The following DSCAML1 variants were observed in gnomAD, a reference collection of about 807,000 sequenced individuals.
DSCAML1 encodes DS cell adhesion molecule like 1, also known as cell adhesion molecule DSCAML1.
DSCAML1 carries 38 observed loss-of-function variants against 200.5 expected under a neutral mutation model. The observed-to-expected ratio is 0.19, with a 90% CI of 0.15 to 0.25. The LOEUF (loss-of-function observed/expected upper bound fraction) is 0.25. Among genes scored for constraint, DSCAML1 ranks in the 10% least tolerant of loss-of-function variants. The pLI, the probability that DSCAML1 is intolerant of heterozygous loss-of-function variation, is 1.00. For missense variants in DSCAML1, 2,223 were observed against 2,858.8 expected, an observed-to-expected ratio of 0.78 and a Z score of 5.07; for synonymous variants, 1,215 against 1,165.0, an observed-to-expected ratio of 1.04 and a Z score of -0.87.
At chr11:117,630,087 C>T (rs992731797) in intron 3 of DSCAML1, among the ~76,000 whole-genome samples, 4 of 152,204 alleles carry the variant, frequency 2.6e-5, no homozygotes, top group African/African-American at 9.6e-5. Flanking sequence ...GAGCAGCAGA[C>T]TGCAGACAGA....
At chr11:117,608,767 C>A (rs2051625450) in intron 3 of DSCAML1, among the ~76,000 whole-genome samples, 1 of 152,218 alleles carries the variant, frequency 6.6e-6, no homozygotes. Context: ...AAATAATATT[C>A]TTCAGGCTCT....
At chr11:117,540,348 T>G (rs1055704848) in intron 3 of DSCAML1, among the ~76,000 whole-genome samples, 8 of 152,120 alleles carry the variant, frequency 5.3e-5, no homozygotes, top group African/African-American at 1.9e-4. Context: ...ACGCTCCTTA[T>G]GAGAATCTAA....
rs543897498 is a variant in DSCAML1, at chr11:117,442,198, CAT to C, written c.3862+1686_3862+1687del. Among the ~76,000 whole-genome samples the C allele has an allele frequency of 8.6e-3, 1,278 of 148,792 alleles. 42 individuals are homozygous for C. In the East Asian group the frequency reaches 0.12, roughly 13 times the overall value. On this transcript the variant is annotated intron_variant, in intron 21 of 32. Transcript: ENST00000651296. Reference sequence around the variant, plus strand: ...AGTGTGTATAGTGTGTATGTGTGTGCATGTGTGCATGTATTAGTGTGTCTAGT... The same window carrying C: ...AGTGTGTATAGTGTGTATGTGTGTGCGTGTGCATGTATTAGTGTGTCTAGT...
chr11:117,690,206 A>G (rs907619373), intron 3 of DSCAML1, among the ~76,000 whole-genome samples: 4 of 152,262 alleles, frequency 2.6e-5, no homozygotes, highest in African/African-American at 9.6e-5. Context: ...TGTTCAACAG[A>G]TTCTACTGAG....
At chr11:117,652,156 T>C (rs2052646116) in intron 3 of DSCAML1, among the ~76,000 whole-genome samples, 1 of 152,246 alleles carries the variant, frequency 6.6e-6, no homozygotes, top group South Asian at 2.1e-4. Flanking sequence ...TGCCTTCTAG[T>C]AGGGGAAGCC....
At chr11:117,500,964 G>A (rs1429395617) in intron 11 of DSCAML1, among the ~76,000 whole-genome samples, 1 of 152,166 alleles carries the variant, frequency 6.6e-6, no homozygotes, top group Non-Finnish European at 1.5e-5. Context: ...GGGCATTGAG[G>A]CAAACCTTGA....
At chr11:117,540,900 TG>T (rs34011277) in intron 3 of DSCAML1, among the ~76,000 whole-genome samples, 11,954 of 152,174 alleles carry the variant, frequency 0.079, 600 homozygotes, top group East Asian at 0.11. Flanking sequence ...CTCCTGTCAC[TG>T]GGGGGTATTT....
In DSCAML1 at chr11:117,736,612, T is replaced by C. The variant is rs114586467; in HGVS notation, c.511+40179A>G. Among the ~76,000 whole-genome samples the C allele has an allele frequency of 6.9e-3, 1,053 of 152,248 alleles. 12 individuals are homozygous for C. Among genetic ancestry groups the C allele is most frequent in the African/African-American group, 0.024 (991 of 41,536 alleles). ...GGAAAATTCTTCTCTGTGTTTGGCA[T>C]CCTTGGTCTTGCCCTCTGAATGCCA... On this transcript the variant is annotated intron_variant, in intron 3 of 32. Coordinates refer to ENST00000651296, the MANE Select transcript of DSCAML1 (RefSeq NM_020693.4).
intron 3 of DSCAML1, among the ~76,000 whole-genome samples, chr11:117,560,333 G>C (rs1333255106): frequency 6.6e-6 from 1 of 152,158 alleles, no homozygotes; most frequent in Non-Finnish European, 1.5e-5. Context: ...GGGATGAGTT[G>C]ATGTCTCAAG....
Position 117,518,164 on chromosome 11 carries a change from G to A in DSCAML1, c.1510+302C>T, listed in dbSNP as rs934257752. On this transcript the variant is annotated intron_variant, in intron 7 of 32. Coordinates refer to ENST00000651296, the MANE Select transcript of DSCAML1 (RefSeq NM_020693.4). The surrounding 1 kb of genome is among the most constrained non-coding windows in gnomAD (Gnocchi z 6.3). ...CTTGGGCCCCAGAGAGATTTGATGG[G>A]GAGGAATGGGCTAGAGGGTAAGAGA... Among the ~76,000 whole-genome samples, 2 of 152,126 alleles carry A rather than the reference G, an allele frequency of 1.3e-5. No individual in the cohort carries two copies. The highest frequency in any genetic ancestry group is 4.8e-5 in the African/African-American group (2 of 41,434).
chr11:117,513,217 CTGATT>C (rs1038200007), intron 8 of DSCAML1, among the ~76,000 whole-genome samples: 3 of 152,132 alleles, frequency 2.0e-5, no homozygotes, highest in Non-Finnish European at 2.9e-5. Context: ...AGCCACCAAG[CTGATT>C]TGTCCCAGAT....
intron 3 of DSCAML1, among the ~76,000 whole-genome samples, chr11:117,664,501 T>C (rs757298332): frequency 1.3e-5 from 2 of 152,098 alleles, no homozygotes; most frequent in African/African-American, 2.4e-5. Flanking sequence ...TCTGCAAAAA[T>C]AGGGATGACA....
intron 4 of DSCAML1, 41 bp downstream of exon 4, chr11:117,532,335 C>G: frequency 6.3e-7 from 1 of 1,592,612 alleles, no homozygotes; most frequent in Non-Finnish European, 8.6e-7. Context: ...GGTGTCCTCC[C>G]TTCCCAGCCT....
At chr11:117,612,794 A>T (rs1448696429) in intron 3 of DSCAML1, among the ~76,000 whole-genome samples, 1 of 152,150 alleles carries the variant, frequency 6.6e-6, no homozygotes, top group East Asian at 1.9e-4. Flanking sequence ...CCTGCTCTGG[A>T]TCCTGTGGCT....
At chr11:117,531,669 AG>A (rs1216377149) in intron 4 of DSCAML1, among the ~76,000 whole-genome samples, 1 of 152,012 alleles carries the variant, frequency 6.6e-6, no homozygotes, top group African/African-American at 2.4e-5. Context: ...AGCTCACCTG[AG>A]GTCAGGAGTT....
intron 3 of DSCAML1, among the ~76,000 whole-genome samples, chr11:117,577,462 C>G (rs1296618905): frequency 2.6e-4 from 8 of 30,858 alleles, no homozygotes; most frequent in Non-Finnish European, 3.6e-4. Context: ...CCTTCCTTTC[C>G]TTCCTTCCTT....
chr11:117,739,929 A>G (rs1840255707), intron 3 of DSCAML1, among the ~76,000 whole-genome samples: 1 of 152,054 alleles, frequency 6.6e-6, no homozygotes, highest in African/African-American at 2.4e-5. Context: ...AAATATCTCC[A>G]CCTCTGCTCA....
intron 3 of DSCAML1, among the ~76,000 whole-genome samples, chr11:117,745,952 C>T (rs1249254369): frequency 2.0e-5 from 3 of 152,008 alleles, no homozygotes; most frequent in Admixed American, 6.6e-5. Flanking sequence ...CGGTGGCTCA[C>T]GCCTGTAATC....
At chr11:117,587,814 C>T (rs929173189) in intron 3 of DSCAML1, among the ~76,000 whole-genome samples, 7 of 152,180 alleles carry the variant, frequency 4.6e-5, no homozygotes, top group African/African-American at 1.4e-4. Flanking sequence ...CCTGAGAGAA[C>T]ATCAGCTGCA....
Sources: gnomAD v4.1 joint callset for allele counts (sites outside exome capture counted in the v4.1 genomes callset) on GRCh38, gnomAD v4.1.1 for gene constraint, Gnocchi (gnomAD v3.1) non-coding constraint, MANE v1.5 for transcripts, NCBI Gene and HGNC (gene_info 2026-07-23, HGNC 2026-07-21) for gene names.